Variants in TNKS observed in about 807,000 individuals in gnomAD.
TNKS encodes the protein poly [ADP-ribose] polymerase tankyrase-1.
Under a neutral mutation model 135.8 loss-of-function variants are expected in TNKS, and 72 were observed. The ratio of observed to expected loss-of-function variants is 0.53; its 90% CI spans 0.44 to 0.64. The LOEUF (loss-of-function observed/expected upper bound fraction) is 0.64. TNKS is among the 30% of genes least tolerant of loss of function. TNKS has a pLI of 0.00. For missense variants in TNKS, 1,769 were observed against 1,674.0 expected, an observed-to-expected ratio of 1.06 and a Z score of -0.99; for synonymous variants, 849 against 649.3, an observed-to-expected ratio of 1.31 and a Z score of -4.68.
rs567590084 is a variant in TNKS, at chr8:9,602,548, C to T, written c.899-13034C>T. 6.6e-5 allele frequency among the ~76,000 whole-genome samples: 10 copies of T among 152,272 alleles called. No homozygotes were observed. In the South Asian group the frequency reaches 1.9e-3, roughly 28 times the overall value. The stretch of plus-strand genomic sequence containing the variant: ...GAGGTTCATGTCTTTATCATTGTAG[C>T]CTGTGAGGATACTAGCGGAGTCTCC... On this transcript the variant is annotated intron_variant, in intron 2 of 26. Transcript: ENST00000310430.
At chr8:9,641,666 G>A (rs1200933025) in intron 3 of TNKS, among the ~76,000 whole-genome samples, 3 of 144,264 alleles carry the variant, frequency 2.1e-5, no homozygotes, top group African/African-American at 7.7e-5. Flanking sequence ...TTATGTGTGT[G>A]TGTTAGAGGA....
intron 11 of TNKS, among the ~76,000 whole-genome samples, chr8:9,713,626 G>C (rs1489192128): frequency 6.6e-6 from 1 of 152,010 alleles, no homozygotes; most frequent in Non-Finnish European, 1.5e-5. Flanking sequence ...CATTGATAAC[G>C]CTTGCTAGTA....
chr8:9,596,465 C>G (rs11984920), intron 2 of TNKS, among the ~76,000 whole-genome samples: 63 of 152,076 alleles, frequency 4.1e-4, no homozygotes, highest in African/African-American at 1.4e-3. Flanking sequence ...TTTTAAAAAA[C>G]GTAGTGTCTT....
chr8:9,746,763 T>G (rs911784129), intron 17 of TNKS, among the ~76,000 whole-genome samples: 10 of 152,052 alleles, frequency 6.6e-5, no homozygotes, highest in African/African-American at 2.2e-4. Context: ...TGATGCCCCC[T>G]CGACTGTGCT....
At chr8:9,687,808 C>T (rs189663838) in intron 5 of TNKS, among the ~76,000 whole-genome samples, 7 of 152,250 alleles carry the variant, frequency 4.6e-5, no homozygotes, top group African/African-American at 1.7e-4. Context: ...ATCCTTTGGC[C>T]GTGAGTGTGA....
At chr8:9,702,560 C>A (rs1417261454) in intron 5 of TNKS, among the ~76,000 whole-genome samples, 5 of 152,120 alleles carry the variant, frequency 3.3e-5, no homozygotes, top group African/African-American at 1.2e-4. Context: ...ACTTCATTAT[C>A]CAGCAGAAGT....
chr8:9,661,156 G>A (rs1049065883), intron 3 of TNKS, among the ~76,000 whole-genome samples: 5 of 151,894 alleles, frequency 3.3e-5, no homozygotes, highest in Non-Finnish European at 5.9e-5. Context: ...TGGCCATACT[G>A]CCCAAGGTAA....
At chr8:9,635,123 C>G (rs1388023496) in intron 3 of TNKS, among the ~76,000 whole-genome samples, 1 of 151,604 alleles carries the variant, frequency 6.6e-6, no homozygotes, top group Admixed American at 6.6e-5. Context: ...TGAGCCGAGA[C>G]CGCGCCACTG....
At chr8:9,648,664 C>T (rs1374146594) in intron 3 of TNKS, among the ~76,000 whole-genome samples, 1 of 152,086 alleles carries the variant, frequency 6.6e-6, no homozygotes, top group East Asian at 1.9e-4. Context: ...GTGAGTAATG[C>T]TCCCACTGTG....
intron 8 of TNKS, among the ~76,000 whole-genome samples, chr8:9,707,214 G>A (rs1283872610): frequency 1.3e-5 from 2 of 152,044 alleles, no homozygotes; most frequent in Non-Finnish European, 1.5e-5. Context: ...GTTTTAATTC[G>A]TATGTTGAAG....
At chr8:9,754,796 A>G (rs540179871) in intron 20 of TNKS, among the ~76,000 whole-genome samples, 1 of 152,242 alleles carries the variant, frequency 6.6e-6, no homozygotes, top group African/African-American at 2.4e-5. Context: ...TTTGCGTCTA[A>G]TGGTTAGGAC....
At chr8:9,665,729 T>C (rs1801953505) in intron 3 of TNKS, among the ~76,000 whole-genome samples, 4 of 152,324 alleles carry the variant, frequency 2.6e-5, no homozygotes, top group Admixed American at 1.3e-4. Flanking sequence ...CTCTGGATAC[T>C]GGAGCATGGT....
At chr8:9,604,513 G>C (rs1799145395) in intron 2 of TNKS, among the ~76,000 whole-genome samples, 1 of 151,912 alleles carries the variant, frequency 6.6e-6, no homozygotes, top group African/African-American at 2.4e-5. Context: ...CGTATATTAA[G>C]CTAGGCTCAC....
chr8:9,671,204 G>A (rs903322452), intron 3 of TNKS: 1 of 152,046 alleles, frequency 6.6e-6, no homozygotes, highest in Non-Finnish European at 1.5e-5. Flanking sequence ...TCTTAACAAG[G>A]TTAAACAGAT....
At chr8:9,637,143 G>A (rs1379672779) in intron 3 of TNKS, among the ~76,000 whole-genome samples, 1 of 152,152 alleles carries the variant, frequency 6.6e-6, no homozygotes, top group Non-Finnish European at 1.5e-5. Flanking sequence ...TTCTAGATAT[G>A]GGAATTTCTC....
chr8:9,707,349 C>T (rs1804096773), intron 8 of TNKS, among the ~76,000 whole-genome samples: 1 of 152,086 alleles, frequency 6.6e-6, no homozygotes, highest in Admixed American at 6.6e-5. Context: ...CTCTGAGCTT[C>T]TGGGGCTTAC....
chr8:9,622,738 A>T lies in TNKS; in HGVS notation c.994+7061A>T, dbSNP rs1799911594. On this transcript the variant is annotated intron_variant, in intron 3 of 26. Coordinates refer to ENST00000310430, the MANE Select transcript of TNKS (RefSeq NM_003747.3). Reference sequence around the variant, plus strand: ...GATTAAAGATTATTCCTTTTGAAAGACAAGTTACCTAATATTGCCAGTAAG... The same window carrying T: ...GATTAAAGATTATTCCTTTTGAAAGTCAAGTTACCTAATATTGCCAGTAAG... Among the ~76,000 whole-genome samples, 3 of 152,244 alleles carry T rather than the reference A, an allele frequency of 2.0e-5. No individual in the cohort carries two copies. In the South Asian group the frequency reaches 6.2e-4, roughly 32 times the overall value.
intron 5 of TNKS, among the ~76,000 whole-genome samples, chr8:9,697,308 G>A (rs1444906830): frequency 6.6e-6 from 1 of 152,084 alleles, no homozygotes; most frequent in Non-Finnish European, 1.5e-5. Flanking sequence ...ACTCAATATG[G>A]ATTAAGAATT....
chr8:9,659,617 C>A (rs1455834316), intron 3 of TNKS, among the ~76,000 whole-genome samples: 1 of 151,936 alleles, frequency 6.6e-6, no homozygotes. Flanking sequence ...GCACTAAATG[C>A]CCACAAGAGA....
Sources: gnomAD v4.1 joint callset for allele counts (sites outside exome capture counted in the v4.1 genomes callset) on GRCh38, gnomAD v4.1.1 for gene constraint, MANE v1.5 for transcripts, NCBI Gene and HGNC (gene_info 2026-07-23, HGNC 2026-07-21) for gene names.